Variants in LRBA observed in about 807,000 individuals in gnomAD.
LRBA encodes LPS responsive beige-like anchor protein.
LRBA carries 176 observed loss-of-function variants against 330.0 expected under a neutral mutation model. That is an observed-to-expected ratio of 0.53 (90% confidence interval 0.47 to 0.60). LRBA has a LOEUF of 0.60. Among genes scored for constraint, LRBA ranks in the 20% least tolerant of loss-of-function variants. The pLI is 0.00. For missense variants in LRBA, 3,259 were observed against 3,444.8 expected (o/e 0.95, Z 1.35); for synonymous variants, 1,230 against 1,193.0 (o/e 1.03, Z -0.64).
intron 34 of LRBA, among the ~76,000 whole-genome samples, chr4:150,763,860 G>C (rs1296440493): frequency 6.6e-6 from 1 of 151,912 alleles, no homozygotes; most frequent in Non-Finnish European, 1.5e-5. Context: ...TAGGATTTAA[G>C]AAGATGAAGA....
chr4:150,607,810 G>A (rs986763200), intron 37 of LRBA, among the ~76,000 whole-genome samples: 2 of 152,074 alleles, frequency 1.3e-5, no homozygotes, highest in African/African-American at 2.4e-5. Context: ...GCTGAGGCGG[G>A]CGGATCACGA....
chr4:150,977,111 A>G (rs1740268203), intron 2 of LRBA, among the ~76,000 whole-genome samples: 1 of 152,242 alleles, frequency 6.6e-6, no homozygotes, highest in African/African-American at 2.4e-5. Context: ...CATGAGGGGC[A>G]TGTGACCTGG....
chr4:150,564,956 TG>T (rs1425435194), intron 40 of LRBA, among the ~76,000 whole-genome samples: 2 of 152,148 alleles, frequency 1.3e-5, no homozygotes, highest in Admixed American at 1.3e-4. Flanking sequence ...GTTCAACCAC[TG>T]GGGAAGACAG....
chr4:150,934,864 C>T (rs535032110), intron 2 of LRBA, among the ~76,000 whole-genome samples: 4 of 152,074 alleles, frequency 2.6e-5, no homozygotes, highest in South Asian at 2.1e-4. Context: ...CAAAATTAGC[C>T]GGGCATGGTG....
chr4:150,272,968 A>AGAT lies in LRBA; in HGVS notation c.8468+4882_8468+4884dup, dbSNP rs140868101. ...TCAGGAAATACAGAGAACACCACAA[A>AGAT]GATACTTCTCAAGAAGAGCAACTCC... On this transcript the variant is annotated intron_variant, in intron 56 of 56. Coordinates refer to ENST00000651943, the MANE Select transcript of LRBA (RefSeq NM_001364905.1). Among the ~76,000 whole-genome samples the AGAT allele has an allele frequency of 5.6e-3, 852 of 152,272 alleles. 7 individuals carry two copies. The highest frequency in any genetic ancestry group is 0.019 in the African/African-American group (804 of 41,544).
At chr4:150,485,810 T>C (rs1757805915) in intron 42 of LRBA, among the ~76,000 whole-genome samples, 1 of 152,008 alleles carries the variant, frequency 6.6e-6, no homozygotes, top group South Asian at 2.1e-4. Flanking sequence ...ATAGTAATGA[T>C]ATGACTAGCT....
intron 40 of LRBA, among the ~76,000 whole-genome samples, chr4:150,566,128 C>T (rs1247710459): frequency 6.6e-6 from 1 of 151,610 alleles, no homozygotes; most frequent in African/African-American, 2.4e-5. Context: ...ACTTGAGAGG[C>T]TGAAGCAGAA....
intron 36 of LRBA, among the ~76,000 whole-genome samples, chr4:150,706,028 G>T (rs1286330330): frequency 6.6e-6 from 1 of 151,974 alleles, no homozygotes; most frequent in Non-Finnish European, 1.5e-5. Context: ...CAGAAGATGT[G>T]AGTGCATGCC....
intron 34 of LRBA, among the ~76,000 whole-genome samples, chr4:150,788,239 ATTTTTTT>A (rs377479266): frequency 3.2e-5 from 4 of 123,238 alleles, no homozygotes; most frequent in South Asian, 2.5e-4. Flanking sequence ...CACCCGGTTA[ATTTTTTT>A]TTTTTTTTTT....
intron 35 of LRBA, among the ~76,000 whole-genome samples, chr4:150,742,143 TATTA>T (rs1189106035): frequency 9.2e-4 from 30 of 32,670 alleles, no homozygotes; most frequent in African/African-American, 1.2e-3. Context: ...TTATTATTAT[TATTA>T]TTATTTTTTT....
intron 40 of LRBA, among the ~76,000 whole-genome samples, chr4:150,511,341 A>G (rs1317803501): frequency 1.3e-5 from 2 of 152,186 alleles, no homozygotes; most frequent in African/African-American, 4.8e-5. Context: ...TCAATGAACT[A>G]CTTCACTTGA....
At chr4:150,525,738 A>C (rs1003368964) in intron 40 of LRBA, among the ~76,000 whole-genome samples, 2 of 152,188 alleles carry the variant, frequency 1.3e-5, no homozygotes, top group Non-Finnish European at 2.9e-5. Context: ...TCTCTTTTAC[A>C]CTAGGGAATC....
At chr4:150,532,191 G>A (rs1764120414) in intron 40 of LRBA, among the ~76,000 whole-genome samples, 1 of 152,084 alleles carries the variant, frequency 6.6e-6, no homozygotes, top group Non-Finnish European at 1.5e-5. Flanking sequence ...TTAGCAGAAA[G>A]GTAATAATAA....
chr4:150,898,658 T>TTAG (rs1730381064), intron 14 of LRBA, among the ~76,000 whole-genome samples: 1 of 151,806 alleles, frequency 6.6e-6, no homozygotes, highest in East Asian at 1.9e-4. Flanking sequence ...AAAAAAATAA[T>TTAG]AAGACTAGAG....
Position 150,489,287 on chromosome 4 carries a change from A to ATATATAATATATTACATATAC in LRBA, c.6449-1454_6449-1453insGTATATGTAATATATTATATA, listed in dbSNP as rs1561250553. 5.5e-3 allele frequency among the ~76,000 whole-genome samples: 312 copies of ATATATAATATATTACATATAC among 57,154 alleles called. 24 individuals carry two copies. The highest frequency in any genetic ancestry group is 0.047 in the East Asian group (90 of 1,926). 37.5% of individuals were successfully genotyped at this position (57,154 alleles called of 152,430 possible). On this transcript the variant is annotated intron_variant, in intron 41 of 56. Transcript: ENST00000651943. ...AAGAATATATAATATATTATATATAAGAATATATAATATATTATATATAAG... is the reference window on the plus strand; with the variant it reads ...AAGAATATATAATATATTATATATAATATATAATATATTACATATACGAATATATAATATATTATATATAAG...
intron 2 of LRBA, among the ~76,000 whole-genome samples, chr4:150,994,867 G>GA (rs1413332301): frequency 1.3e-5 from 2 of 152,104 alleles, no homozygotes; most frequent in African/African-American, 4.8e-5. Flanking sequence ...CTGAAAGAAA[G>GA]AAAAAACAAC....
intron 34 of LRBA, among the ~76,000 whole-genome samples, chr4:150,797,494 A>C (rs1740960997): frequency 6.6e-6 from 1 of 151,990 alleles, no homozygotes; most frequent in South Asian, 2.1e-4. Flanking sequence ...CATGATTTTT[A>C]TATAAGTTTT....
intron 52 of LRBA, among the ~76,000 whole-genome samples, chr4:150,303,355 A>G (rs1729919815): frequency 6.6e-6 from 1 of 152,172 alleles, no homozygotes; most frequent in South Asian, 2.1e-4. Context: ...ATTATGATGA[A>G]AGAACTAATA....
chr4:150,553,609 T>G (rs1581656130), intron 40 of LRBA, among the ~76,000 whole-genome samples: 1 of 152,210 alleles, frequency 6.6e-6, no homozygotes, highest in Admixed American at 6.5e-5. Flanking sequence ...CAAAAAATTG[T>G]CAAGTCAGAA....
Sources: gnomAD v4.1 joint callset for allele counts (sites outside exome capture counted in the v4.1 genomes callset) on GRCh38, gnomAD v4.1.1 for gene constraint, MANE v1.5 for transcripts, NCBI Gene and HGNC (gene_info 2026-07-23, HGNC 2026-07-21) for gene names.